Variants in BANF2 observed in about 807,000 individuals in gnomAD.
BANF2 encodes BANF family member 2, also known as barrier-to-autointegration factor-like protein.
BANF2 carries 4 observed loss-of-function variants against 8.0 expected under a neutral mutation model. The observed-to-expected ratio is 0.50, with a 90% CI of 0.25 to 1.14. BANF2 has a LOEUF of 1.14. Ranked by LOEUF, BANF2 falls within the 50% of genes most tolerant of loss-of-function variation. The pLI is 0.16. For missense variants in BANF2, 96 were observed against 107.5 expected, an observed-to-expected ratio of 0.89 and a Z score of 0.47; for synonymous variants, 50 against 40.6, an observed-to-expected ratio of 1.23 and a Z score of -0.88.
Position 17,722,071 on chromosome 20 carries a change from C to T in BANF2, c.-166-645C>T, listed in dbSNP as rs1022120459. Among the ~76,000 whole-genome samples the T allele has an allele frequency of 3.3e-5, 5 of 152,312 alleles. 1 individual carries two copies. The Middle Eastern group carries it at 0.017, about 518-fold the overall frequency. On this transcript the variant is annotated intron_variant, in intron 1 of 3. Coordinates refer to ENST00000246090, the MANE Select transcript of BANF2 (RefSeq NM_178477.5). ...GTTCCCTGGGGAGGGGGTCCAATGG[C>T]CCCCAGTTGAGCACCACTGTTGCAG...
chr20:17,734,327 T>C (rs6034893), intron 3 of BANF2, among the ~76,000 whole-genome samples: 2,956 of 152,316 alleles, frequency 0.019, 93 homozygotes, highest in African/African-American at 0.067. Flanking sequence ...AGGTTTAGCA[T>C]GTTTTAAACC....
At chr20:17,697,709 G>A (rs145807544), upstream of BANF2, among the ~76,000 whole-genome samples, 259 of 152,280 alleles carry the variant, frequency 1.7e-3, 3 homozygotes, top group African/African-American at 5.9e-3. Context: ...ACAATGTGGG[G>A]TATGTTAGCA....
rs542253114 is a variant in BANF2, at chr20:17,715,408, GT to G, written c.-166-7306del. 6.6e-5 allele frequency among the ~76,000 whole-genome samples: 10 copies of G among 152,328 alleles called. No homozygotes were observed. In the South Asian group the frequency reaches 1.9e-3, roughly 28 times the overall value. Reference sequence around the variant, plus strand: ...GCACTCAGTGAATGTCTGAGGAACTGTTGAATGTATTTGGTTATTCATCACC... The same window carrying G: ...GCACTCAGTGAATGTCTGAGGAACTGTGAATGTATTTGGTTATTCATCACC... On this transcript the variant is annotated intron_variant, in intron 1 of 3. Coordinates refer to ENST00000246090, the MANE Select transcript of BANF2 (RefSeq NM_178477.5).
rs867952550 is a variant in BANF2, at chr20:17,735,776, C to T, written c.238C>T (p.His80Tyr). 3.7e-6 allele frequency: 6 copies of T among 1,613,832 alleles called. No homozygotes were observed. In the African/African-American group the frequency reaches 8.0e-5, roughly 22 times the overall value. Reference protein sequence around the residue: ...ATECEAQQTSHCLKEWCACFL With the variant: ...ATECEAQQTSYCLKEWCACFL ...TGAGTGTGAGGCCCAGCAGACTTCT[C>T]ACTGCCTCAAGGAGTGGTGTGCCTG... The change falls in exon 4 of 4, where the codon CAC becomes TAC. Residue 80 changes from histidine (H) to tyrosine (Y), a missense_variant. By Grantham distance (83) the His-to-Tyr change is moderately conservative. Transcript: ENST00000246090.
intron 1 of BANF2, among the ~76,000 whole-genome samples, chr20:17,702,744 C>A (rs1012835423): frequency 2.0e-5 from 3 of 152,166 alleles, no homozygotes; most frequent in Non-Finnish European, 4.4e-5. Flanking sequence ...CATGGTCTGA[C>A]CTTGAACCCT....
intron 1 of BANF2, among the ~76,000 whole-genome samples, chr20:17,718,573 T>C (rs187060308): frequency 6.6e-6 from 1 of 152,312 alleles, no homozygotes; most frequent in East Asian, 1.9e-4. Context: ...CACTGGAAAT[T>C]GTATCCCAAG....
chr20:17,735,147 T>C (rs1291846164), intron 3 of BANF2, among the ~76,000 whole-genome samples: 1 of 152,056 alleles, frequency 6.6e-6, no homozygotes, highest in Non-Finnish European at 1.5e-5. Flanking sequence ...AGAAATCCCA[T>C]GCTACAACAA....
chr20:17,720,247 G>A (rs548613547), intron 1 of BANF2, among the ~76,000 whole-genome samples: 1 of 152,204 alleles, frequency 6.6e-6, no homozygotes, highest in African/African-American at 2.4e-5. Flanking sequence ...GTACCCAAAA[G>A]AATTGAATGC....
chr20:17,724,801 C>T (rs532570479), intron 2 of BANF2, among the ~76,000 whole-genome samples: 23 of 152,320 alleles, frequency 1.5e-4, no homozygotes, highest in African/African-American at 3.4e-4. Flanking sequence ...GGCCATCATT[C>T]GGCTTCTGTT....
chr20:17,730,805 T>C (rs2037883657), intron 3 of BANF2, among the ~76,000 whole-genome samples: 1 of 152,376 alleles, frequency 6.6e-6, no homozygotes, highest in South Asian at 2.1e-4. Flanking sequence ...TGTGCTCCAC[T>C]GCCTGATGTC....
At chr20:17,735,581 C>G in intron 3 of BANF2, 84 bp from the exon 4 acceptor site, 1 of 1,466,234 alleles carries the variant, frequency 6.8e-7, no homozygotes, top group Non-Finnish European at 9.4e-7. Context: ...TCACGTGAGC[C>G]CTGGTTGCTG....
At chr20:17,724,490 C>T (rs1600225641) in intron 2 of BANF2, among the ~76,000 whole-genome samples, 1 of 152,182 alleles carries the variant, frequency 6.6e-6, no homozygotes, top group African/African-American at 2.4e-5. Flanking sequence ...GCTGGACAAT[C>T]CCTGAGGAAT....
At chr20:17,716,347 T>C (rs563782359) in intron 1 of BANF2, among the ~76,000 whole-genome samples, 4 of 152,196 alleles carry the variant, frequency 2.6e-5, no homozygotes, top group Non-Finnish European at 2.9e-5. Flanking sequence ...CTTTTCCTTT[T>C]TTTTCTTTTT....
At chr20:17,713,875 T>C (rs1029118101) in intron 1 of BANF2, among the ~76,000 whole-genome samples, 6 of 151,794 alleles carry the variant, frequency 4.0e-5, no homozygotes, top group Admixed American at 2.0e-4. Flanking sequence ...AATGTTAAGA[T>C]GGTAAAAATT....
chr20:17,734,509 AG>A (rs1312440623), intron 3 of BANF2, among the ~76,000 whole-genome samples: 1 of 152,192 alleles, frequency 6.6e-6, no homozygotes, highest in Non-Finnish European at 1.5e-5. Flanking sequence ...AGGTTACATG[AG>A]TTGCCTGAGA....
chr20:17,728,467 C>A (rs1427377446), intron 3 of BANF2, among the ~76,000 whole-genome samples: 1 of 152,218 alleles, frequency 6.6e-6, no homozygotes, highest in East Asian at 1.9e-4. Context: ...CCTATTACCT[C>A]TCTGGGAGTC....
At chr20:17,713,933 C>A (rs1307463334) in intron 1 of BANF2, among the ~76,000 whole-genome samples, 3 of 152,010 alleles carry the variant, frequency 2.0e-5, no homozygotes, top group African/African-American at 4.8e-5. Flanking sequence ...GGTCTGGGCA[C>A]AGTGGCTCAT....
At chr20:17,724,783 T>A (rs2037780146) in intron 2 of BANF2, among the ~76,000 whole-genome samples, 1 of 152,218 alleles carries the variant, frequency 6.6e-6, no homozygotes, top group African/African-American at 2.4e-5. Context: ...TTTATTTGAC[T>A]CATCTGTGGC....
intron 3 of BANF2, among the ~76,000 whole-genome samples, chr20:17,728,724 TAAA>T (rs2037847963): frequency 1.3e-5 from 2 of 152,170 alleles, no homozygotes; most frequent in African/African-American, 4.8e-5. Flanking sequence ...TTCGGGAGCT[TAAA>T]AGCCATATGT....
Sources: gnomAD v4.1 joint callset for allele counts (sites outside exome capture counted in the v4.1 genomes callset) on GRCh38, gnomAD v4.1.1 for gene constraint, MANE v1.5 for transcripts, NCBI Gene and HGNC (gene_info 2026-07-23, HGNC 2026-07-21) for gene names.